ABCB1: variants seen among roughly 807,000 people sequenced by gnomAD.
ABCB1 encodes ATP binding cassette subfamily B member 1.
A neutral mutation model predicts 142.0 loss-of-function variants in ABCB1; 69 were observed. The observed-to-expected ratio is 0.49, with a 90% CI of 0.40 to 0.59. The LOEUF (loss-of-function observed/expected upper bound fraction) is 0.59, where lower values mean the gene tolerates loss of function less well. Among genes scored for constraint, ABCB1 ranks in the 20% least tolerant of loss-of-function variants. The probability of loss-of-function intolerance (pLI) is 0.00; values close to 1 mark genes in which losing one functional copy is unlikely to be tolerated. For missense variants in ABCB1, 1,326 were observed against 1,554.7 expected, an observed-to-expected ratio of 0.85 and a Z score of 2.47; for synonymous variants, 532 against 539.2, an observed-to-expected ratio of 0.99 and a Z score of 0.18.
chr7:87,668,167 C>T (rs2130498676), intron 1 of ABCB1, among the ~76,000 whole-genome samples: 1 of 150,586 alleles, frequency 6.6e-6, no homozygotes, highest in African/African-American at 2.4e-5. Flanking sequence ...TTTCAGAGCT[C>T]ATTATTGGTC....
chr7:87,650,872 ATTC>A, intron 1 of ABCB1: 1 of 1,613,260 alleles, frequency 6.2e-7, no homozygotes, highest in Non-Finnish European at 8.5e-7. Flanking sequence ...ACAATTGATG[ATTC>A]TTCTCCTGAA....
At chr7:87,698,429 A>C (rs1233887319) in intron 1 of ABCB1, among the ~76,000 whole-genome samples, 1 of 152,176 alleles carries the variant, frequency 6.6e-6, no homozygotes. Flanking sequence ...TGAATTATAT[A>C]GTTATTAGAA....
intron 1 of ABCB1, among the ~76,000 whole-genome samples, chr7:87,643,096 C>T (rs1223244264): frequency 6.6e-6 from 1 of 152,006 alleles, no homozygotes; most frequent in African/African-American, 2.4e-5. Context: ...TTTACATTTC[C>T]TTATAGAGAT....
chr7:87,592,088 T>C (rs1819020846), intron 3 of ABCB1, among the ~76,000 whole-genome samples: 1 of 152,102 alleles, frequency 6.6e-6, no homozygotes, highest in Non-Finnish European at 1.5e-5. Context: ...GAGAACTAAG[T>C]CAATGGCGAA....
At chr7:87,561,174 A>C in intron 8 of ABCB1, 89 bp downstream of exon 8, 6 of 1,492,418 alleles carry the variant, frequency 4.0e-6, no homozygotes, top group Non-Finnish European at 5.5e-6. Flanking sequence ...TATATGGGAG[A>C]AAATGCTTAT....
At chr7:87,638,224 G>T (rs1323867966) in intron 1 of ABCB1, among the ~76,000 whole-genome samples, 1 of 151,850 alleles carries the variant, frequency 6.6e-6, no homozygotes, top group African/African-American at 2.4e-5. Flanking sequence ...TAATATTTTG[G>T]GATTTTTGCA....
At chr7:87,565,111 G>A (rs746909117) in intron 7 of ABCB1, among the ~76,000 whole-genome samples, 6 of 152,140 alleles carry the variant, frequency 3.9e-5, no homozygotes, top group South Asian at 2.1e-4. Context: ...AGGCATTTGC[G>A]TGACAATAAA....
intron 4 of ABCB1, among the ~76,000 whole-genome samples, chr7:87,576,707 T>G (rs780574765): frequency 2.6e-5 from 4 of 151,708 alleles, no homozygotes; most frequent in Admixed American, 2.6e-4. Flanking sequence ...TAAAGCCAAG[T>G]TGATAGTCCT....
At chr7:87,683,558 G>C (rs1203783639) in intron 1 of ABCB1, among the ~76,000 whole-genome samples, 1 of 152,200 alleles carries the variant, frequency 6.6e-6, no homozygotes. Flanking sequence ...GAAAGAGAGA[G>C]ATGGGAAATG....
chr7:87,569,075 G>C (rs1265819067), intron 5 of ABCB1, among the ~76,000 whole-genome samples: 1 of 152,040 alleles, frequency 6.6e-6, no homozygotes, highest in Non-Finnish European at 1.5e-5. Context: ...GCTCACACCC[G>C]TAATCCCAGC....
At chr7:87,676,864 T>C (rs564679010) in intron 1 of ABCB1, among the ~76,000 whole-genome samples, 1 of 152,202 alleles carries the variant, frequency 6.6e-6, no homozygotes, top group East Asian at 1.9e-4. Flanking sequence ...AACTGATATA[T>C]GAAAAGACAC....
intron 1 of ABCB1, among the ~76,000 whole-genome samples, chr7:87,678,630 G>A (rs951578499): frequency 6.6e-6 from 1 of 152,034 alleles, no homozygotes; most frequent in Non-Finnish European, 1.5e-5. Context: ...AATGGCCTAA[G>A]CACTCCAATT....
chr7:87,550,612 T>C (rs1157568789), intron 10 of ABCB1, 34 bp from the exon 11 acceptor site: 21 of 1,590,800 alleles, frequency 1.3e-5, no homozygotes, highest in Non-Finnish European at 1.8e-5. Context: ...GATTACTAGG[T>C]TACAATAACT....
At chr7:87,660,353 A>G (rs1251577016) in intron 1 of ABCB1, among the ~76,000 whole-genome samples, 1 of 152,008 alleles carries the variant, frequency 6.6e-6, no homozygotes, top group African/African-American at 2.4e-5. Flanking sequence ...TAAAGTTGTC[A>G]ATGTCTTCTA....
intron 20 of ABCB1, among the ~76,000 whole-genome samples, chr7:87,532,004 A>T (rs1282708157): frequency 1.3e-5 from 2 of 152,216 alleles, no homozygotes; most frequent in Non-Finnish European, 2.9e-5. Flanking sequence ...GCGCATTATT[A>T]TCTTCCCCTT....
intron 1 of ABCB1, among the ~76,000 whole-genome samples, chr7:87,643,883 T>G (rs928406495): frequency 8.0e-5 from 12 of 150,644 alleles, no homozygotes; most frequent in African/African-American, 2.9e-4. Context: ...TTTTTTTGTT[T>G]GTTTCCGCTC....
chr7:87,513,394 T>C (rs1284886127), intron 25 of ABCB1, among the ~76,000 whole-genome samples: 1 of 152,234 alleles, frequency 6.6e-6, no homozygotes, highest in African/African-American at 2.4e-5. Flanking sequence ...TGCTTGTGTT[T>C]ATATACTTGC....
At chr7:87,613,233 TTC>T (rs992071249) in intron 1 of ABCB1, among the ~76,000 whole-genome samples, 3 of 151,104 alleles carry the variant, frequency 2.0e-5, no homozygotes, top group Non-Finnish European at 4.4e-5. Flanking sequence ...GCTTCCTCTT[TTC>T]CAATTTGAAT....
chr7:87,504,527 G>T, intron 27 of ABCB1, 78 bp from the exon 28 acceptor site: 5 of 1,563,946 alleles, frequency 3.2e-6, no homozygotes, highest in Non-Finnish European at 8.7e-7. Context: ...CTCCACAGTA[G>T]GACGGGCATG....
Sources: allele counts gnomAD v4.1 joint callset (sites outside exome capture counted in the v4.1 genomes callset), GRCh38; gene constraint gnomAD v4.1.1; transcripts MANE v1.5; gene names NCBI Gene and HGNC (gene_info 2026-07-23, HGNC 2026-07-21).